PDE4D: variants seen among roughly 807,000 people sequenced by gnomAD.
PDE4D encodes the protein 3',5'-cyclic-AMP phosphodiesterase 4D.
Under a neutral mutation model 87.4 loss-of-function variants are expected in PDE4D, and 24 were observed. That is an observed-to-expected ratio of 0.27 (90% CI 0.20 to 0.39). The LOEUF is 0.39. Among genes scored for constraint, PDE4D ranks in the 10% least tolerant of loss-of-function variants. The pLI, the probability that PDE4D is intolerant of heterozygous loss-of-function variation, is 1.00. For synonymous variants in PDE4D, 384 were observed against 383.2 expected, an observed-to-expected ratio of 1.00 and a Z score of -0.02; for missense variants, 714 against 1,041.0, an observed-to-expected ratio of 0.69 and a Z score of 4.32.
chr5:60,276,934 T>C (rs541171419), intron 1 of PDE4D, among the ~76,000 whole-genome samples: 1 of 152,164 alleles, frequency 6.6e-6, no homozygotes, highest in South Asian at 2.1e-4. Flanking sequence ...TATATCATTA[T>C]ATTTGAAGTG....
intron 5 of PDE4D, among the ~76,000 whole-genome samples, chr5:59,058,103 G>A (rs1311476434): frequency 6.6e-6 from 1 of 152,196 alleles, no homozygotes; most frequent in Non-Finnish European, 1.5e-5. Flanking sequence ...AACACTGGCT[G>A]TCATATACTA....
chr5:60,197,018 C>CAGATAGAT (rs201360208), intron 1 of PDE4D, among the ~76,000 whole-genome samples: 9,433 of 123,332 alleles, frequency 0.076, 598 homozygotes, highest in East Asian at 0.13. Context: ...ACAAGATAGG[C>CAGATAGAT]AGATAGATAG....
chr5:59,355,652 G>C (rs1022236453), intron 1 of PDE4D, among the ~76,000 whole-genome samples: 1 of 151,994 alleles, frequency 6.6e-6, no homozygotes, highest in Admixed American at 6.5e-5. Context: ...AATAAATGGA[G>C]TTAATACCTA....
chr5:60,307,963 T>C (rs1562309010), intron 1 of PDE4D, among the ~76,000 whole-genome samples: 1 of 152,138 alleles, frequency 6.6e-6, no homozygotes, highest in East Asian at 1.9e-4. Flanking sequence ...ATCACTTGAA[T>C]CCAGGAGGCT....
chr5:59,258,626 G>T (rs572492092), intron 1 of PDE4D, among the ~76,000 whole-genome samples: 1 of 149,038 alleles, frequency 6.7e-6, no homozygotes, highest in East Asian at 2.0e-4. Flanking sequence ...ATATCTCTAA[G>T]AACTGAGATA....
At chr5:59,353,520 G>A (rs1042870791) in intron 1 of PDE4D, among the ~76,000 whole-genome samples, 2 of 151,908 alleles carry the variant, frequency 1.3e-5, no homozygotes, top group African/African-American at 4.8e-5. Context: ...CCAGAACCTA[G>A]GCAGATAAAT....
At chr5:59,130,767 C>A (rs973647421) in intron 5 of PDE4D, among the ~76,000 whole-genome samples, 1 of 152,224 alleles carries the variant, frequency 6.6e-6, no homozygotes, top group East Asian at 1.9e-4. Context: ...ATGGAATCAT[C>A]CTGCCCTTAC....
intron 1 of PDE4D, among the ~76,000 whole-genome samples, chr5:60,434,753 C>T (rs752722455): frequency 6.6e-6 from 1 of 152,020 alleles, no homozygotes; most frequent in Non-Finnish European, 1.5e-5. Flanking sequence ...TTTCAATGCA[C>T]CAACAATGAT....
intron 1 of PDE4D, among the ~76,000 whole-genome samples, chr5:59,676,647 G>A (rs910967974): frequency 3.3e-5 from 5 of 152,040 alleles, no homozygotes; most frequent in Non-Finnish European, 7.4e-5. Flanking sequence ...TATACACTTA[G>A]GTACACATAT....
intron 2 of PDE4D, among the ~76,000 whole-genome samples, chr5:60,145,169 T>C (rs1261077288): frequency 2.0e-5 from 3 of 152,334 alleles, no homozygotes; most frequent in African/African-American, 7.2e-5. Context: ...TTTATGCAAG[T>C]CCCAGAAGTC....
chr5:59,588,494 G>A (rs951125882), intron 1 of PDE4D, among the ~76,000 whole-genome samples: 33 of 152,150 alleles, frequency 2.2e-4, no homozygotes, highest in South Asian at 6.2e-4. Context: ...ATGGAATACC[G>A]GCAACATTTA....
chr5:60,488,739 T>C (rs2150231703), upstream of PDE4D, among the ~76,000 whole-genome samples: 1 of 152,160 alleles, frequency 6.6e-6, no homozygotes, highest in East Asian at 1.9e-4. Context: ...AGGACAGGGA[T>C]GGGTTTCAGG....
At chr5:60,072,283 T>C (rs1772809444) in intron 2 of PDE4D, among the ~76,000 whole-genome samples, 1 of 152,198 alleles carries the variant, frequency 6.6e-6, no homozygotes, top group Admixed American at 6.5e-5. Flanking sequence ...ACTGAGTTTT[T>C]TTCATATGCT....
intron 1 of PDE4D, among the ~76,000 whole-genome samples, chr5:60,333,073 G>C (rs1757445677): frequency 6.6e-6 from 1 of 152,088 alleles, no homozygotes; most frequent in Admixed American, 6.5e-5. Context: ...CCTTCCTCTA[G>C]GTCTCTTCAT....
intron 2 of PDE4D, among the ~76,000 whole-genome samples, chr5:60,149,173 T>G (rs1001677636): frequency 6.6e-6 from 1 of 152,204 alleles, no homozygotes; most frequent in African/African-American, 2.4e-5. Flanking sequence ...TTAGTCCACT[T>G]TCTGTTGCTA....
chr5:59,659,097 G>A (rs375194749), intron 1 of PDE4D, among the ~76,000 whole-genome samples: 10 of 152,264 alleles, frequency 6.6e-5, no homozygotes, highest in East Asian at 5.8e-4. Context: ...GATTTTCACC[G>A]TCAAAGGAGA....
At chr5:59,058,493 C>T (rs937096096) in intron 5 of PDE4D, among the ~76,000 whole-genome samples, 2 of 152,150 alleles carry the variant, frequency 1.3e-5, no homozygotes, top group Non-Finnish European at 2.9e-5. Flanking sequence ...CCTGGAACTT[C>T]CAAGGTCTAT....
intron 1 of PDE4D, among the ~76,000 whole-genome samples, chr5:60,268,303 C>A (rs17376863): frequency 6.6e-6 from 1 of 152,268 alleles, no homozygotes; most frequent in Non-Finnish European, 1.5e-5. Flanking sequence ...TAATGGGAGG[C>A]GCACATTTTA....
At chr5:59,236,327 C>T (rs1012634830) in intron 1 of PDE4D, among the ~76,000 whole-genome samples, 2 of 152,198 alleles carry the variant, frequency 1.3e-5, no homozygotes, top group Admixed American at 6.6e-5. Context: ...AGCCTCTTGA[C>T]TTCTCTGGGA....
Sources: gnomAD v4.1 joint callset for allele counts (sites outside exome capture counted in the v4.1 genomes callset) on GRCh38, gnomAD v4.1.1 for gene constraint, MANE v1.5 for transcripts, NCBI Gene and HGNC (gene_info 2026-07-23, HGNC 2026-07-21) for gene names.